The following GTF2F2 variants were observed in gnomAD, a reference collection of about 807,000 sequenced individuals.
GTF2F2 encodes the protein general transcription factor IIF subunit 2, also known as ATP-dependent helicase GTF2F2.
In GTF2F2, 23 loss-of-function variants were observed where a neutral mutation model predicts 42.2. The ratio of observed to expected loss-of-function variants is 0.55; its 90% CI spans 0.39 to 0.77. GTF2F2 has a LOEUF of 0.77. Ranked by LOEUF, GTF2F2 falls within the 30% of genes least tolerant of loss-of-function variation. The pLI is 0.00. For synonymous variants in GTF2F2, 105 were observed against 100.8 expected (o/e 1.04, Z -0.25); for missense variants, 261 against 287.2 (o/e 0.91, Z 0.66).
At chr13:45,150,094 T>C (rs953340787) in intron 3 of GTF2F2, among the ~76,000 whole-genome samples, 5 of 152,218 alleles carry the variant, frequency 3.3e-5, no homozygotes, top group Non-Finnish European at 7.3e-5. Flanking sequence ...GCATTTGATA[T>C]GGATTTTTTG....
intron 4 of GTF2F2, among the ~76,000 whole-genome samples, chr13:45,179,953 GGT>G (rs1025696655): frequency 2.0e-5 from 3 of 152,148 alleles, no homozygotes; most frequent in African/African-American, 7.2e-5. Flanking sequence ...TAAGTTGGGA[GGT>G]GGGGGTGTAG....
intron 4 of GTF2F2, among the ~76,000 whole-genome samples, chr13:45,166,265 AT>A (rs1208009502): frequency 2.0e-5 from 3 of 152,094 alleles, no homozygotes; most frequent in Non-Finnish European, 4.4e-5. Context: ...GTTTTCTGAT[AT>A]TTTTTCCCTT....
chr13:45,199,819 G>A (rs530831473), intron 4 of GTF2F2, among the ~76,000 whole-genome samples: 1 of 152,296 alleles, frequency 6.6e-6, no homozygotes, highest in East Asian at 1.9e-4. Context: ...CCGTATACTA[G>A]CGCCTGCCAC....
chr13:45,260,141 A>G (rs374099840), intron 6 of GTF2F2, among the ~76,000 whole-genome samples: 2 of 152,114 alleles, frequency 1.3e-5, no homozygotes, highest in African/African-American at 4.8e-5. Context: ...TTTTATGCAT[A>G]TATGCTCTGT....
chr13:45,213,048 A>G (rs1873756179), intron 5 of GTF2F2, among the ~76,000 whole-genome samples: 2 of 141,726 alleles, frequency 1.4e-5, no homozygotes, highest in Admixed American at 1.4e-4. Context: ...GGCTAATTTT[A>G]TTTATTTATT....
At chr13:45,270,439 G>T (rs1036865629) in intron 7 of GTF2F2, among the ~76,000 whole-genome samples, 1 of 152,148 alleles carries the variant, frequency 6.6e-6, no homozygotes, top group African/African-American at 2.4e-5. Context: ...GCCACGTCTG[G>T]TAAGAGGCTT....
intron 5 of GTF2F2, among the ~76,000 whole-genome samples, chr13:45,210,374 C>T (rs1343751871): frequency 6.6e-6 from 1 of 152,130 alleles, no homozygotes. Flanking sequence ...CCTGGAACAG[C>T]CTTTCTCCAG....
At chr13:45,219,157 G>A (rs1180268140) in intron 5 of GTF2F2, among the ~76,000 whole-genome samples, 13 of 108,062 alleles carry the variant, frequency 1.2e-4, no homozygotes, top group Non-Finnish European at 5.3e-5. Context: ...TCTTTTTAGT[G>A]ACTATCCTTA....
chr13:45,195,708 A>G (rs1378538388), intron 4 of GTF2F2, among the ~76,000 whole-genome samples: 1 of 152,220 alleles, frequency 6.6e-6, no homozygotes, highest in Non-Finnish European at 1.5e-5. Flanking sequence ...TTTCACTTCT[A>G]GCATTTAAAG....
At chr13:45,202,272 A>G (rs1471081210) in intron 4 of GTF2F2, among the ~76,000 whole-genome samples, 1 of 152,180 alleles carries the variant, frequency 6.6e-6, no homozygotes, top group Admixed American at 6.5e-5. Flanking sequence ...CTGTAATCCC[A>G]GCTACCCAGG....
chr13:45,173,397 A>G (rs1479091385), intron 4 of GTF2F2, among the ~76,000 whole-genome samples: 1 of 138,286 alleles, frequency 7.2e-6, no homozygotes, highest in Non-Finnish European at 1.6e-5. Flanking sequence ...GTGTGTGTGT[A>G]TTGTTTAGTT....
chr13:45,212,787 G>A (rs565247141), intron 5 of GTF2F2, among the ~76,000 whole-genome samples: 11 of 151,966 alleles, frequency 7.2e-5, no homozygotes, highest in Non-Finnish European at 1.0e-4. Flanking sequence ...TGTTGCCCAG[G>A]CTGGAGTGCA....
intron 1 of GTF2F2, among the ~76,000 whole-genome samples, chr13:45,123,757 C>G (rs1358541440): frequency 6.6e-6 from 1 of 150,582 alleles, no homozygotes; most frequent in East Asian, 1.9e-4. Context: ...CTGTACTGTT[C>G]TGGCCTAATG....
At chr13:45,212,471 C>CTTTTCT (rs374232843) in intron 5 of GTF2F2, among the ~76,000 whole-genome samples, 13 of 75,118 alleles carry the variant, frequency 1.7e-4, no homozygotes, top group South Asian at 1.0e-3. Context: ...TTCTTTCTTT[C>CTTTTCT]TTTCTTTCTT....
At chr13:45,246,095 G>A (rs912849889) in intron 5 of GTF2F2, among the ~76,000 whole-genome samples, 4 of 150,480 alleles carry the variant, frequency 2.7e-5, no homozygotes, top group African/African-American at 4.9e-5. Context: ...TGCAAGCTCC[G>A]CCTGCCGGGT....
intron 4 of GTF2F2, among the ~76,000 whole-genome samples, chr13:45,155,524 T>C (rs770809686): frequency 1.3e-5 from 2 of 152,230 alleles, no homozygotes; most frequent in African/African-American, 2.4e-5. Context: ...TTCCTAATGA[T>C]TGAATTTGGC....
rs115296737 is a variant in GTF2F2 at position 45,266,384 on chromosome 13, A to G, written c.487-849A>G. Among the ~76,000 whole-genome samples the G allele has an allele frequency of 4.5e-3, 688 of 152,274 alleles. 6 individuals are homozygous for G. The highest frequency in any genetic ancestry group is 0.024 in the Middle Eastern group (7 of 294). The stretch of plus-strand genomic sequence containing the variant: ...TAACTTTTATTGTATGGGAAGAGAA[A>G]CAGGTTCAAGGAGGTTGCACAGGGT... On this transcript the variant is annotated intron_variant, in intron 6 of 7. Transcript: ENST00000340473.
intron 1 of GTF2F2, among the ~76,000 whole-genome samples, chr13:45,124,386 C>T (rs535185891): frequency 2.0e-5 from 3 of 151,344 alleles, no homozygotes; most frequent in Admixed American, 1.3e-4. Context: ...CTGGCCTCCC[C>T]ACTGGCCTTT....
At chr13:45,149,657 C>G in intron 2 of GTF2F2, 113 bp from the exon 3 acceptor site, 2 of 1,079,674 alleles carry the variant, frequency 1.9e-6, no homozygotes, top group Non-Finnish European at 2.6e-6. Context: ...TGGTTAATCT[C>G]TGTAAATGTA....
Sources: allele counts gnomAD v4.1 joint callset (sites outside exome capture counted in the v4.1 genomes callset), GRCh38; gene constraint gnomAD v4.1.1; transcripts MANE v1.5; gene names NCBI Gene and HGNC (gene_info 2026-07-23, HGNC 2026-07-21).